Variants in CDH17 observed in about 807,000 individuals in gnomAD.
CDH17 encodes cadherin-17.
CDH17 carries 67 observed loss-of-function variants against 86.3 expected under a neutral mutation model. The observed-to-expected ratio is 0.78, with a 90% CI of 0.64 to 0.95. The LOEUF (loss-of-function observed/expected upper bound fraction) is 0.95, where lower values mean the gene tolerates loss of function less well. Ranked by LOEUF, CDH17 falls within the 40% of genes least tolerant of loss-of-function variation. The pLI, the probability that CDH17 is intolerant of heterozygous loss-of-function variation, is 0.00. For missense variants in CDH17, 993 were observed against 1,017.6 expected, an observed-to-expected ratio of 0.98 and a Z score of 0.33; for synonymous variants, 367 against 366.4, an observed-to-expected ratio of 1.00 and a Z score of -0.02.
chr8:94,160,978 C>T (rs1451007241), intron 11 of CDH17, among the ~76,000 whole-genome samples: 1 of 152,172 alleles, frequency 6.6e-6, no homozygotes, highest in Admixed American at 6.5e-5. Context: ...TCCCACTCCA[C>T]TGAAAATCCC....
chr8:94,141,650 T>C (rs1485071185), intron 15 of CDH17, among the ~76,000 whole-genome samples: 1 of 152,064 alleles, frequency 6.6e-6, no homozygotes, highest in Non-Finnish European at 1.5e-5. Context: ...ATTTAAAATA[T>C]CAAAAATATG....
At chr8:94,177,853 G>A in intron 3 of CDH17, 132 bp from the exon 4 acceptor site, 1 of 805,248 alleles carries the variant, frequency 1.2e-6, no homozygotes, top group Non-Finnish European at 1.9e-6. Flanking sequence ...AACTTTTAAA[G>A]TGGTACCTTC....
intron 8 of CDH17, 93 bp downstream of exon 8, chr8:94,170,761 T>G (rs1010055262): frequency 6.8e-7 from 1 of 1,474,286 alleles, no homozygotes; most frequent in African/African-American, 1.4e-5. Flanking sequence ...TGTGTGTTTT[T>G]TTTTTCTTTA....
At chr8:94,131,837 C>A (rs1237988649) in intron 15 of CDH17, among the ~76,000 whole-genome samples, 1 of 152,140 alleles carries the variant, frequency 6.6e-6, no homozygotes, top group Non-Finnish European at 1.5e-5. Context: ...AGACCCCCAC[C>A]CCCTGACAGG....
In CDH17 at chr8:94,151,916, G is replaced by C; in HGVS notation, c.1748C>G (p.Thr583Ser). The change falls in exon 13 of 18, where the codon ACT becomes AGT. Residue 583 changes from threonine to serine, a missense_variant. Physicochemically the swap from Thr to Ser is moderately conservative, Grantham distance 58. Transcript: ENST00000027335. ...AKVSEDVAIG[T>S]KVGNVTAKDP... ...CTTGGCAGTCACATTGCCCACTTTA[G>C]TGCCTATAGCTACATCCTCACTGAC... 6.2e-7 allele frequency: 1 copy of C among 1,614,164 alleles called. No homozygotes were observed. The highest frequency in any genetic ancestry group is 8.5e-7 in the Non-Finnish European group (1 of 1,180,012).
upstream of CDH17, among the ~76,000 whole-genome samples, chr8:94,212,224 C>T (rs946160169): frequency 5.1e-4 from 78 of 152,256 alleles, no homozygotes; most frequent in Non-Finnish European, 1.2e-4. Context: ...GGTGCGATCT[C>T]GGCTCACCGC....
At position 94,177,665 on chromosome 8, in the gene CDH17, T is replaced by C; in HGVS notation, c.207A>G (p.Ile69Met). 6.2e-7 allele frequency: 1 copy of C among 1,613,806 alleles called. No individual in the cohort carries two copies. The highest frequency in any genetic ancestry group is 1.7e-5 in the Admixed American group (1 of 59,992). ...TFELTGETDNIFVIEREGLLY... is the reference protein window; with the variant it reads ...TFELTGETDNMFVIEREGLLY... ...GAAGTCCCTCCCGTTCTATCACAAATATGTTGTCTGTCTCCCCAGTTAGTT... is the reference window on the plus strand; with the variant it reads ...GAAGTCCCTCCCGTTCTATCACAAACATGTTGTCTGTCTCCCCAGTTAGTT... The change falls in exon 4 of 18, where the codon ATA (isoleucine) becomes ATG (methionine). Residue 69 changes from isoleucine to methionine, a missense_variant. Transcript: ENST00000027335.
At chr8:94,161,269 C>T (rs1178828373) in intron 11 of CDH17, among the ~76,000 whole-genome samples, 1 of 152,172 alleles carries the variant, frequency 6.6e-6, no homozygotes, top group Non-Finnish European at 1.5e-5. Flanking sequence ...GCCTGTTATA[C>T]AAGACATATC....
intron 14 of CDH17, among the ~76,000 whole-genome samples, chr8:94,146,417 G>A (rs1042572581): frequency 5.3e-5 from 8 of 152,246 alleles, no homozygotes; most frequent in Non-Finnish European, 1.2e-4. Context: ...ACTGAGCTCA[G>A]AAGTTGTGTA....
chr8:94,195,919 C>T (rs1813777848), intron 1 of CDH17, among the ~76,000 whole-genome samples: 1 of 152,150 alleles, frequency 6.6e-6, no homozygotes, highest in Non-Finnish European at 1.5e-5. Flanking sequence ...TGCCACCACG[C>T]CTGGCTAATT....
intron 15 of CDH17, among the ~76,000 whole-genome samples, chr8:94,143,598 T>C (rs1012968497): frequency 3.9e-5 from 6 of 152,334 alleles, no homozygotes; most frequent in East Asian, 1.9e-4. Flanking sequence ...TTCATCTACA[T>C]TGAAAAGTTT....
chr8:94,130,286 CT>C (rs1014809366), intron 17 of CDH17, among the ~76,000 whole-genome samples: 3 of 152,180 alleles, frequency 2.0e-5, no homozygotes, highest in African/African-American at 4.8e-5. Flanking sequence ...GTATGTCACT[CT>C]TTCCCCATCA....
At chr8:94,179,836 C>A (rs1327272277) in intron 3 of CDH17, among the ~76,000 whole-genome samples, 1 of 152,176 alleles carries the variant, frequency 6.6e-6, no homozygotes, top group Non-Finnish European at 1.5e-5. Flanking sequence ...ACAGCATCAA[C>A]AACCAACTCC....
chr8:94,170,326 C>T, intron 9 of CDH17, 71 bp downstream of exon 9: 1 of 1,516,574 alleles, frequency 6.6e-7, no homozygotes, highest in Admixed American at 1.9e-5. Flanking sequence ...AGGTCTCCTG[C>T]TCACCTTTTA....
chr8:94,213,757 C>T (rs889408813), intron 1 of CDH17, among the ~76,000 whole-genome samples: 7 of 152,156 alleles, frequency 4.6e-5, no homozygotes, highest in African/African-American at 1.7e-4. Context: ...ATCAGATGGA[C>T]GCTTTTCAGT....
chr8:94,155,223 G>A (rs147855836), intron 12 of CDH17, among the ~76,000 whole-genome samples: 12 of 152,098 alleles, frequency 7.9e-5, no homozygotes, highest in Non-Finnish European at 1.5e-4. Flanking sequence ...TACACGTCAC[G>A]TGGTCCACGG....
At position 94,152,128 on chromosome 8, in the gene CDH17, A is replaced by G. The variant is rs1812868332; in HGVS notation, c.1552-16T>C. 6.2e-7 allele frequency: 1 copy of G among 1,611,592 alleles called. No individual in the cohort carries two copies. The highest frequency in any genetic ancestry group is 8.5e-7 in the Non-Finnish European group (1 of 1,178,472). ...AATCAAGAGGCTGTGTAGGAGAAAGAGAGAAAATTAATTTTGGGGTGATTA... is the reference window on the plus strand; with the variant it reads ...AATCAAGAGGCTGTGTAGGAGAAAGGGAGAAAATTAATTTTGGGGTGATTA... On this transcript the variant is annotated splice_polypyrimidine_tract_variant and intron_variant, in intron 12 of 17. Coordinates refer to ENST00000027335, the MANE Select transcript of CDH17 (RefSeq NM_004063.4).
chr8:94,138,751 A>G (rs2130579276), intron 15 of CDH17, among the ~76,000 whole-genome samples: 1 of 152,338 alleles, frequency 6.6e-6, no homozygotes, highest in East Asian at 1.9e-4. Flanking sequence ...CTCATAATTC[A>G]TGTGCTACCA....
chr8:94,189,083 G>C (rs1813635476), intron 3 of CDH17, 104 bp downstream of exon 3: 1 of 791,452 alleles, frequency 1.3e-6, no homozygotes, highest in Non-Finnish European at 2.1e-6. Context: ...TAATGAGAAT[G>C]CCATGCCTTT....
Sources: allele counts gnomAD v4.1 joint callset (sites outside exome capture counted in the v4.1 genomes callset), GRCh38; gene constraint gnomAD v4.1.1; transcripts MANE v1.5; gene names NCBI Gene and HGNC (gene_info 2026-07-23, HGNC 2026-07-21).